NLGN4X: variants seen among roughly 807,000 people sequenced by gnomAD.
NLGN4X encodes the protein neuroligin-4, X-linked.
Under a neutral mutation model 40.3 loss-of-function variants are expected in NLGN4X, and 3 were observed. The observed-to-expected ratio is 0.07, with a 90% CI of 0.03 to 0.19. The LOEUF (loss-of-function observed/expected upper bound fraction) is 0.19, where lower values mean the gene tolerates loss of function less well. NLGN4X is among the 10% of genes least tolerant of loss of function. The probability of loss-of-function intolerance (pLI) is 1.00; values close to 1 mark genes in which losing one functional copy is unlikely to be tolerated. For synonymous variants in NLGN4X, 270 were observed against 306.8 expected, an observed-to-expected ratio of 0.88 and a Z score of 1.25; for missense variants, 382 against 708.3, an observed-to-expected ratio of 0.54 and a Z score of 5.23.
At chrX:6,226,453 GGCCTGACCC>G (rs1926336788) in intron 1 of NLGN4X, among the ~76,000 whole-genome samples, 1 of 111,043 alleles carries the variant, frequency 9.0e-6, no homozygotes, top group Admixed American at 9.3e-5. Flanking sequence ...TGCAAGGGTT[GGCCTGACCC>G]CCCTGCTCCC....
At chrX:5,895,541 CCA>C (rs1280542534) in intron 5 of NLGN4X, among the ~76,000 whole-genome samples, 114 of 110,803 alleles carry the variant, frequency 1.0e-3, no homozygotes, top group African/African-American at 3.5e-3. Context: ...ATACTGCATA[CCA>C]CAGTTTATAC....
At chrX:5,945,434 C>T (rs1214531463) in intron 3 of NLGN4X, among the ~76,000 whole-genome samples, 1 of 112,118 alleles carries the variant, frequency 8.9e-6, no homozygotes, top group East Asian at 2.8e-4. Context: ...TGAAAGGTCC[C>T]GGCATAAGAA....
chrX:6,069,149 G>A (rs1041085594), intron 2 of NLGN4X, among the ~76,000 whole-genome samples: 1 of 110,394 alleles, frequency 9.1e-6, no homozygotes, highest in African/African-American at 3.3e-5. Context: ...TTAGCCTGGC[G>A]TGGTGGCAGG....
At chrX:6,044,312 CTCTT>C (rs1488120994) in intron 2 of NLGN4X, among the ~76,000 whole-genome samples, 1 of 110,602 alleles carries the variant, frequency 9.0e-6, no homozygotes, top group African/African-American at 3.3e-5. Flanking sequence ...TCACTCATCT[CTCTT>C]TCAGTGTGAC....
rs180769322 is a variant in NLGN4X at position 6,074,973 on chromosome X, C to T, written c.473-45541G>A. On this transcript the variant is annotated intron_variant, in intron 2 of 5. Transcript: ENST00000381095. ...TATTGATTCATGGAGAAAGAACCAACGGCAAAGGTACAGAGGAAAGATGAC... is the reference window on the plus strand; with the variant it reads ...TATTGATTCATGGAGAAAGAACCAATGGCAAAGGTACAGAGGAAAGATGAC... 7.2e-5 allele frequency among the ~76,000 whole-genome samples: 8 copies of T among 111,345 alleles called. No homozygotes were observed. The East Asian group carries it at 2.0e-3, about 28-fold the overall frequency.
intron 1 of NLGN4X, among the ~76,000 whole-genome samples, chrX:6,190,704 C>T (rs1340886940): frequency 8.9e-6 from 1 of 111,880 alleles, no homozygotes; most frequent in Non-Finnish European, 1.9e-5. Flanking sequence ...TGAGTGTCCC[C>T]TCTGCCTGTA....
chrX:5,936,704 A>G (rs762018795), intron 3 of NLGN4X, among the ~76,000 whole-genome samples: 1 of 112,366 alleles, frequency 8.9e-6, no homozygotes, highest in South Asian at 3.7e-4. Context: ...AAGCTTCTAA[A>G]GGAGTTCCCT....
intron 1 of NLGN4X, among the ~76,000 whole-genome samples, chrX:6,225,192 A>C (rs1427704144): frequency 9.4e-6 from 1 of 106,635 alleles, no homozygotes; most frequent in African/African-American, 3.4e-5. Flanking sequence ...TAGGATACAC[A>C]GAAATTCCAT....
chrX:6,180,791 A>C (rs1414850026), intron 1 of NLGN4X, among the ~76,000 whole-genome samples: 6 of 109,389 alleles, frequency 5.5e-5, no homozygotes, highest in African/African-American at 2.0e-4. Flanking sequence ...ACTTTGGAAC[A>C]CCTAAAGTAC....
chrX:6,198,441 TTGTC>T (rs1403852793), intron 1 of NLGN4X, among the ~76,000 whole-genome samples: 1 of 110,593 alleles, frequency 9.0e-6, no homozygotes, highest in East Asian at 2.8e-4. Context: ...ACAATACAGA[TTGTC>T]TAGAAACCCT....
At chrX:6,042,802 G>A (rs1417586636) in intron 2 of NLGN4X, among the ~76,000 whole-genome samples, 12 of 96,194 alleles carry the variant, frequency 1.2e-4, no homozygotes, top group Non-Finnish European at 1.9e-4. Flanking sequence ...AATGCCTGGC[G>A]CAGTGGCTCA....
At chrX:5,939,500 G>T (rs1485400208) in intron 3 of NLGN4X, among the ~76,000 whole-genome samples, 1 of 110,884 alleles carries the variant, frequency 9.0e-6, no homozygotes, top group East Asian at 2.9e-4. Context: ...AAATAAATTG[G>T]CTGAATTACT....
chrX:6,012,347 C>A (rs1362736239), intron 3 of NLGN4X, among the ~76,000 whole-genome samples: 3 of 112,089 alleles, frequency 2.7e-5, no homozygotes, highest in East Asian at 5.7e-4. Context: ...TGCATGACTA[C>A]ATTATTTGGA....
chrX:5,944,318 T>C (rs1333907386), intron 3 of NLGN4X, among the ~76,000 whole-genome samples: 8 of 110,109 alleles, frequency 7.3e-5, no homozygotes, highest in Non-Finnish European at 1.1e-4. Flanking sequence ...AAAACACAAA[T>C]GAATAGGGCA....
chrX:5,902,796 G>A (rs1341026222), intron 5 of NLGN4X, among the ~76,000 whole-genome samples: 1 of 112,523 alleles, frequency 8.9e-6, no homozygotes, highest in Non-Finnish European at 1.9e-5. Flanking sequence ...AATTCCCAAT[G>A]GGCAATTAGA....
At chrX:6,170,006 C>A (rs1019415117) in intron 1 of NLGN4X, among the ~76,000 whole-genome samples, 2 of 106,933 alleles carry the variant, frequency 1.9e-5, no homozygotes, top group Non-Finnish European at 3.8e-5. Flanking sequence ...GAACACTGGA[C>A]AAGATTTTTT....
At chrX:6,053,643 A>G (rs372638017) in intron 2 of NLGN4X, among the ~76,000 whole-genome samples, 3 of 111,818 alleles carry the variant, frequency 2.7e-5, no homozygotes, top group Admixed American at 9.5e-5. Context: ...AATCATTACT[A>G]GGAAGATCAT....
At chrX:6,092,831 T>C (rs974658166) in intron 2 of NLGN4X, among the ~76,000 whole-genome samples, 3 of 110,858 alleles carry the variant, frequency 2.7e-5, no homozygotes, top group Non-Finnish European at 5.7e-5. Context: ...AAAAGATATG[T>C]CTGGGAAAAT....
chrX:6,097,294 T>C (rs1382280126), intron 2 of NLGN4X, among the ~76,000 whole-genome samples: 1 of 109,549 alleles, frequency 9.1e-6, no homozygotes. Context: ...ATTCACACAG[T>C]GTACATATTT....
Sources: allele counts gnomAD v4.1 joint callset (sites outside exome capture counted in the v4.1 genomes callset), GRCh38; gene constraint gnomAD v4.1.1; transcripts MANE v1.5; gene names NCBI Gene and HGNC (gene_info 2026-07-23, HGNC 2026-07-21).